Variants in CARS2 observed in about 807,000 individuals in gnomAD.
CARS2 encodes the protein probable cysteine--tRNA ligase, mitochondrial.
CARS2 carries 52 observed loss-of-function variants against 68.8 expected under a neutral mutation model. The ratio of observed to expected loss-of-function variants is 0.76; its 90% CI spans 0.61 to 0.95. The LOEUF (loss-of-function observed/expected upper bound fraction) is 0.95, where lower values mean the gene tolerates loss of function less well. CARS2 is among the 40% of genes least tolerant of loss of function. CARS2 has a pLI of 0.00. For synonymous variants in CARS2, 314 were observed against 303.6 expected (o/e 1.03, Z -0.36); for missense variants, 780 against 754.2 (o/e 1.03, Z -0.40).
At chr13:110,696,949 C>T (rs912886559) in intron 3 of CARS2, among the ~76,000 whole-genome samples, 20 of 152,332 alleles carry the variant, frequency 1.3e-4, no homozygotes, top group African/African-American at 4.6e-4. Flanking sequence ...TCCAAGTACA[C>T]TGTGTCCTCA....
chr13:110,685,834 G>C (rs921761922), intron 5 of CARS2, among the ~76,000 whole-genome samples: 1 of 152,032 alleles, frequency 6.6e-6, no homozygotes, highest in Non-Finnish European at 1.5e-5. Context: ...AAAACAGCAA[G>C]ACGCCAGCCT....
chr13:110,656,667 A>G (rs1056260549), intron 9 of CARS2, among the ~76,000 whole-genome samples: 4 of 152,010 alleles, frequency 2.6e-5, no homozygotes, highest in African/African-American at 9.7e-5. Context: ...GGTGGATCAC[A>G]AGGTCAGGAG....
At chr13:110,702,523 A>T (rs144277890) in intron 2 of CARS2, among the ~76,000 whole-genome samples, 1 of 152,338 alleles carries the variant, frequency 6.6e-6, no homozygotes, top group African/African-American at 2.4e-5. Flanking sequence ...TCAAGTTGGG[A>T]AAGAGTCTAA....
chr13:110,702,547 T>C (rs1478199166), intron 2 of CARS2, among the ~76,000 whole-genome samples: 1 of 152,152 alleles, frequency 6.6e-6, no homozygotes, highest in Non-Finnish European at 1.5e-5. Context: ...ATGTGAGATT[T>C]ACAAGAAAAA....
At position 110,641,424 on chromosome 13, in the gene CARS2, CCTTA is replaced by C. The variant is rs1369845200; in HGVS notation, c.*109_*112del. The C allele has an allele frequency of 2.0e-5, 17 of 849,074 alleles. 1 individual carries two copies. The highest frequency in any genetic ancestry group is 3.4e-5 in the Non-Finnish European group (17 of 494,974). 52.6% of individuals were successfully genotyped at this position (849,074 alleles called of 1,614,324 possible). On this transcript the variant is annotated 3_prime_UTR_variant, in exon 15 of 15. Transcript: ENST00000257347. ...GACGCCAGTGGGACACTGTTGGTTG[CCTTA>C]CTTTAATGCTGACCTAGCAGCCCCG...
At chr13:110,655,558 G>C (rs1024656642) in intron 9 of CARS2, among the ~76,000 whole-genome samples, 16 of 152,324 alleles carry the variant, frequency 1.1e-4, no homozygotes, top group African/African-American at 3.6e-4. Flanking sequence ...ACAGCTATAG[G>C]GAGATGTGTG....
chr13:110,697,800 G>C, intron 3 of CARS2: 3 of 366,490 alleles, frequency 8.2e-6, no homozygotes, highest in South Asian at 6.2e-5. Flanking sequence ...CTTTTTAACA[G>C]CCAGAAGCAA....
chr13:110,649,530 G>T (rs1224704485), intron 10 of CARS2, among the ~76,000 whole-genome samples: 1 of 152,262 alleles, frequency 6.6e-6, no homozygotes, highest in Admixed American at 6.5e-5. Flanking sequence ...CATAAAGTGT[G>T]CTGGCCAGAT....
Position 110,705,552 on chromosome 13 carries a change from C to G in CARS2, c.244G>C (p.Val82Leu). 1 of 1,613,252 alleles carries G rather than the reference C, an allele frequency of 6.2e-7. No homozygotes were observed. Residue 82 changes from valine to leucine, a missense_variant, in exon 2 of 15, where the codon GTA becomes CTA. Transcript: ENST00000257347. The surrounding 1 kb of genome is among the most constrained non-coding windows in gnomAD (Gnocchi z 4.0). ...AASWYSCGPTVYDHAHLGHAC... is the reference protein window; with the variant it reads ...AASWYSCGPTLYDHAHLGHAC... ...TGGCCAAGGTGCGCATGATCATATACAGTTGGTCCACAGCTATACCTGGAA... is the reference window on the plus strand; with the variant it reads ...TGGCCAAGGTGCGCATGATCATATAGAGTTGGTCCACAGCTATACCTGGAA...
At chr13:110,644,054 T>C (rs1436099105) in intron 13 of CARS2, 1 of 1,253,674 alleles carries the variant, frequency 8.0e-7, no homozygotes, top group South Asian at 1.3e-5. Flanking sequence ...CAGGAAAAAA[T>C]GTTCTCTTAC....
intron 3 of CARS2, among the ~76,000 whole-genome samples, chr13:110,693,508 C>T (rs1042107582): frequency 2.6e-5 from 4 of 152,014 alleles, no homozygotes; most frequent in Admixed American, 2.6e-4. Context: ...TACAGGTGCC[C>T]GCCACCACGC....
At chr13:110,699,022 G>A (rs79370891) in intron 3 of CARS2, among the ~76,000 whole-genome samples, 9 of 149,580 alleles carry the variant, frequency 6.0e-5, no homozygotes, top group East Asian at 4.0e-4. Flanking sequence ...CAAAAAAAAA[G>A]AAAAAAAAAC....
intron 13 of CARS2, chr13:110,643,245 A>G (rs939464786): frequency 4.8e-5 from 8 of 167,908 alleles, no homozygotes; most frequent in Non-Finnish European, 1.0e-4. Flanking sequence ...GACAAGGGCT[A>G]GGCAGAGCTT....
At chr13:110,648,956 A>G (rs1178814914) in intron 10 of CARS2, 1 of 152,218 alleles carries the variant, frequency 6.6e-6, no homozygotes. Flanking sequence ...TGAAAGGACC[A>G]CAGCCCCCAG....
At position 110,665,896 on chromosome 13, in the gene CARS2, T is replaced by C; in HGVS notation, c.919+1444A>G. On this transcript the variant is annotated intron_variant, in intron 8 of 14. Coordinates refer to ENST00000257347, the MANE Select transcript of CARS2 (RefSeq NM_024537.4). This position sits in a 1 kb window ranked among gnomAD's most constrained non-coding sequence, Gnocchi z 4.3. The stretch of plus-strand genomic sequence containing the variant: ...TTCCCAATTCAAGGGTTTCAAAAAC[T>C]AGTATTTGTTAATTTCCTGTATTTC... The C allele has an allele frequency of 1.0e-6, 1 of 985,394 alleles. No individual in the cohort carries two copies. Among genetic ancestry groups the C allele is most frequent in the Non-Finnish European group, 1.2e-6 (1 of 829,918 alleles). The allele number at this position is 985,394 out of a possible 1,614,324, so 61.0% of individuals were successfully genotyped here.
rs955591697 is a variant in CARS2 at position 110,642,425 on chromosome 13, G to A, written c.1513C>T (p.Pro505Ser). The change falls in exon 14 of 15, where the codon CCC (proline) becomes TCC (serine). Residue 505 changes from proline (P) to serine (S), a missense_variant. Physicochemically the swap from Pro to Ser is moderately conservative, Grantham distance 74. Coordinates refer to ENST00000257347, the MANE Select transcript of CARS2 (RefSeq NM_024537.4). The part of the protein sequence containing the change: ...QKVRQFALAM[P>S]EATGDARRQQ... ...CGCCGGGCGTCCCCCGTGGCCTCGG[G>A]CATGGCCAGCGCAAACTGCCGGACC... 1 of 1,603,378 alleles carries A rather than the reference G, an allele frequency of 6.2e-7. No homozygotes were observed. The highest frequency in any genetic ancestry group is 8.5e-7 in the Non-Finnish European group (1 of 1,175,472).
intron 10 of CARS2, among the ~76,000 whole-genome samples, chr13:110,647,907 C>A (rs1888362213): frequency 6.6e-6 from 1 of 152,238 alleles, no homozygotes; most frequent in African/African-American, 2.4e-5. Context: ...TTTCTAGAAC[C>A]TTCTCGTGCC....
chr13:110,697,591 C>T (rs1224373946), intron 3 of CARS2, among the ~76,000 whole-genome samples: 1 of 152,196 alleles, frequency 6.6e-6, no homozygotes, highest in African/African-American at 2.4e-5. Context: ...TACAGGTGCA[C>T]ACCTCCACAC....
chr13:110,651,984 C>T (rs1018596047), intron 9 of CARS2, among the ~76,000 whole-genome samples: 2 of 152,228 alleles, frequency 1.3e-5, no homozygotes, highest in African/African-American at 4.8e-5. Context: ...GGACGCGCTC[C>T]GACGGGAGCC....
Sources: allele counts gnomAD v4.1 joint callset (sites outside exome capture counted in the v4.1 genomes callset), GRCh38; gene constraint gnomAD v4.1.1; non-coding constraint Gnocchi (gnomAD v3.1); transcripts MANE v1.5; gene names NCBI Gene and HGNC (gene_info 2026-07-23, HGNC 2026-07-21).